Variants in SLC30A8 observed in about 807,000 individuals in gnomAD.
The protein encoded by SLC30A8 is solute carrier family 30 member 8.
SLC30A8 carries 27 observed loss-of-function variants against 36.9 expected under a neutral mutation model. The ratio of observed to expected loss-of-function variants is 0.73; its 90% CI spans 0.54 to 1.01. The LOEUF is 1.01. SLC30A8 is among the 50% of genes least tolerant of loss of function. SLC30A8 has a pLI of 0.00. For missense variants in SLC30A8, 439 were observed against 452.0 expected, an observed-to-expected ratio of 0.97 and a Z score of 0.26; for synonymous variants, 164 against 172.4, an observed-to-expected ratio of 0.95 and a Z score of 0.38.
At chr8:117,051,898 C>T (rs1012681044) in intron 2 of SLC30A8, among the ~76,000 whole-genome samples, 6 of 152,200 alleles carry the variant, frequency 3.9e-5, no homozygotes, top group South Asian at 2.1e-4. Context: ...ATGTGATATG[C>T]TGGCTCCCTT....
intron 1 of SLC30A8, among the ~76,000 whole-genome samples, chr8:116,983,956 G>C (rs1586360439): frequency 6.6e-6 from 1 of 151,992 alleles, no homozygotes; most frequent in Non-Finnish European, 1.5e-5. Context: ...TTCAACACAG[G>C]CTCCTGTACT....
At chr8:116,996,529 G>A (rs891076769) in intron 1 of SLC30A8, among the ~76,000 whole-genome samples, 4 of 151,894 alleles carry the variant, frequency 2.6e-5, no homozygotes, top group African/African-American at 9.7e-5. Context: ...AGCTATACTT[G>A]TTCTCCCTAA....
chr8:116,977,141 C>CTTTTTT (rs71305451), intron 1 of SLC30A8, among the ~76,000 whole-genome samples: 41 of 59,106 alleles, frequency 6.9e-4, no homozygotes, highest in East Asian at 1.8e-3. Flanking sequence ...CTTTTTCTTG[C>CTTTTTT]TTTTTTTTTT....
rs1823468854 is a variant in SLC30A8 at position 117,172,987 on chromosome 8, C to T, written c.*306C>T. 1 of 296,568 alleles carries T rather than the reference C, an allele frequency of 3.4e-6. No homozygotes were observed. The highest frequency in any genetic ancestry group is 4.9e-5 in the Admixed American group (1 of 20,298). 18.4% of individuals were successfully genotyped at this position (296,568 alleles called of 1,614,324 possible). ...CGGCAATACCAAATTCATCTCCCTT[C>T]CAATAATGCATCTTGAGAACACATA... On this transcript the variant is annotated 3_prime_UTR_variant, in exon 8 of 8. Coordinates refer to ENST00000456015, the MANE Select transcript of SLC30A8 (RefSeq NM_173851.3).
intron 1 of SLC30A8, among the ~76,000 whole-genome samples, chr8:116,996,928 GA>G (rs1815839752): frequency 6.6e-6 from 1 of 150,834 alleles, no homozygotes; most frequent in Non-Finnish European, 1.5e-5. Context: ...TTCCTAAGTA[GA>G]AAATGATTTA....
intron 1 of SLC30A8, among the ~76,000 whole-genome samples, chr8:117,002,582 A>G (rs952193042): frequency 1.3e-5 from 2 of 152,046 alleles, no homozygotes; most frequent in Non-Finnish European, 2.9e-5. Flanking sequence ...TTCTATTGAA[A>G]GATGGTTTTT....
chr8:117,027,608 T>G (rs1816913002), intron 1 of SLC30A8, among the ~76,000 whole-genome samples: 1 of 152,164 alleles, frequency 6.6e-6, no homozygotes, highest in Non-Finnish European at 1.5e-5. Context: ...AATGAAGAAA[T>G]GAATGTCTGC....
intron 2 of SLC30A8, among the ~76,000 whole-genome samples, chr8:117,151,029 C>T (rs1234299028): frequency 1.3e-5 from 2 of 152,282 alleles, no homozygotes; most frequent in African/African-American, 2.4e-5. Context: ...CCCACACAGG[C>T]GTTTCCAACC....
At chr8:117,075,890 T>C (rs1818472430) in intron 2 of SLC30A8, among the ~76,000 whole-genome samples, 1 of 152,186 alleles carries the variant, frequency 6.6e-6, no homozygotes, top group Non-Finnish European at 1.5e-5. Context: ...ACCCTCTGTC[T>C]CAGATATCTC....
intron 1 of SLC30A8, among the ~76,000 whole-genome samples, chr8:116,969,212 G>A (rs1373512857): frequency 6.6e-6 from 1 of 152,072 alleles, no homozygotes; most frequent in Admixed American, 6.5e-5. Flanking sequence ...GAGGTCAGGA[G>A]TTCGAGACCA....
rs187173010 is a variant in SLC30A8 at position 117,089,028 on chromosome 8, G to A, written c.-225-46252G>A. On this transcript the variant is annotated intron_variant, in intron 2 of 10. Coordinates refer to the SLC30A8 transcript ENST00000427715. ...ACTTGTCCTCACTGCATATTTCACC[G>A]TGTTGGTGTCTTCCTCCTTGAAGTA... 1.2e-3 allele frequency among the ~76,000 whole-genome samples: 189 copies of A among 152,264 alleles called. 1 individual carries two copies. The highest frequency in any genetic ancestry group is 3.4e-3 in the African/African-American group (142 of 41,552).
rs184496656 is a variant in SLC30A8, at chr8:117,147,834, G to A, written c.271+681G>A. ...ATACTTTGCTACTGTATAGATGAAT[G>A]TTTTATTTTAATATTTATTTCTTTA... On this transcript the variant is annotated intron_variant, in intron 2 of 7. Coordinates refer to ENST00000456015, the MANE Select transcript of SLC30A8 (RefSeq NM_173851.3). Among the ~76,000 whole-genome samples, 170 of 152,110 alleles carry A rather than the reference G, an allele frequency of 1.1e-3. 1 individual carries two copies. The highest frequency in any genetic ancestry group is 9.6e-3 in the Admixed American group (147 of 15,274).
At chr8:117,089,229 T>C (rs1366328389) in intron 2 of SLC30A8, among the ~76,000 whole-genome samples, 2 of 152,200 alleles carry the variant, frequency 1.3e-5, no homozygotes, top group Non-Finnish European at 2.9e-5. Context: ...TTTAAATATA[T>C]ATGAAATTCT....
At chr8:117,102,357 A>C in intron 2 of SLC30A8, among the ~76,000 whole-genome samples, 1 of 152,228 alleles carries the variant, frequency 6.6e-6, no homozygotes, top group East Asian at 1.9e-4. Flanking sequence ...TTATTCCATA[A>C]ATTTATATTA....
intron 7 of SLC30A8, among the ~76,000 whole-genome samples, chr8:117,172,288 G>A (rs545957262): frequency 6.6e-6 from 1 of 152,230 alleles, no homozygotes; most frequent in Admixed American, 6.5e-5. Flanking sequence ...TCCTAGGAAT[G>A]CCAGACTCCA....
chr8:117,138,891 G>A (rs966787257), intron 1 of SLC30A8, among the ~76,000 whole-genome samples: 1 of 152,004 alleles, frequency 6.6e-6, no homozygotes, highest in South Asian at 2.1e-4. Context: ...TAAGAATAGA[G>A]GGCTATGTAT....
chr8:117,086,283 A>G (rs1818873063), intron 2 of SLC30A8, among the ~76,000 whole-genome samples: 2 of 152,302 alleles, frequency 1.3e-5, no homozygotes, highest in South Asian at 2.1e-4. Flanking sequence ...GCTCCACTTC[A>G]AAATGAAGTA....
chr8:117,034,654 T>C (rs1817155759), intron 1 of SLC30A8, among the ~76,000 whole-genome samples: 1 of 152,230 alleles, frequency 6.6e-6, no homozygotes, highest in Non-Finnish European at 1.5e-5. Flanking sequence ...CACCATGCTG[T>C]TTACAAACAT....
rs1487581024 is a variant in SLC30A8 at position 117,173,697 on chromosome 8, C to G, written c.*1016C>G. ...GGCCAACATTCTGGAAATCCTATGT[C>G]AATGGGTTTGGTTTGGAACCTGGAC... is the stretch of plus-strand genomic sequence containing the variant. On this transcript the variant is annotated 3_prime_UTR_variant, in exon 8 of 8. Transcript: ENST00000456015. 1 of 152,092 alleles carries G rather than the reference C, an allele frequency of 6.6e-6. No homozygotes were observed. The allele number at this position is 152,092 out of a possible 1,614,324, so 9.4% of individuals were successfully genotyped here.
Sources: gnomAD v4.1 joint callset for allele counts (sites outside exome capture counted in the v4.1 genomes callset) on GRCh38, gnomAD v4.1.1 for gene constraint, MANE v1.5 for transcripts, NCBI Gene and HGNC (gene_info 2026-07-23, HGNC 2026-07-21) for gene names.